PTPRM: variants seen among roughly 807,000 people sequenced by gnomAD.
The protein encoded by PTPRM is protein tyrosine phosphatase receptor type M, also known as receptor-type tyrosine-protein phosphatase mu.
In PTPRM, 47 loss-of-function variants were observed where a neutral mutation model predicts 186.7. The ratio of observed to expected loss-of-function variants is 0.25; its 90% CI spans 0.20 to 0.32. The LOEUF (loss-of-function observed/expected upper bound fraction) is 0.32, where lower values mean the gene tolerates loss of function less well. Among genes scored for constraint, PTPRM ranks in the 10% least tolerant of loss-of-function variants. The probability of loss-of-function intolerance (pLI) is 1.00; values close to 1 mark genes in which losing one functional copy is unlikely to be tolerated. For missense variants in PTPRM, 1,494 were observed against 1,865.0 expected, an observed-to-expected ratio of 0.80 and a Z score of 3.66; for synonymous variants, 668 against 674.9, an observed-to-expected ratio of 0.99 and a Z score of 0.16.
chr18:7,624,487 A>T (rs1335526427), intron 1 of PTPRM, among the ~76,000 whole-genome samples: 1 of 151,000 alleles, frequency 6.6e-6, no homozygotes, highest in Non-Finnish European at 1.5e-5. Context: ...TGTGCCTCAG[A>T]TTCTGCTTTT....
At chr18:7,853,482 G>T (rs2046960302) in intron 2 of PTPRM, among the ~76,000 whole-genome samples, 1 of 152,192 alleles carries the variant, frequency 6.6e-6, no homozygotes, top group Non-Finnish European at 1.5e-5. Context: ...GAGTACAGTG[G>T]CTTCAGAAGT....
intron 2 of PTPRM, among the ~76,000 whole-genome samples, chr18:7,790,501 A>G (rs1598729415): frequency 1.3e-5 from 2 of 152,174 alleles, no homozygotes; most frequent in African/African-American, 4.8e-5. Flanking sequence ...GGCTCTGCAT[A>G]CCCACTGACA....
At chr18:8,244,270 G>C in intron 15 of PTPRM, 61 bp downstream of exon 15, 2 of 1,297,472 alleles carry the variant, frequency 1.5e-6, no homozygotes, top group Non-Finnish European at 2.0e-6. Flanking sequence ...ATTCCAGGTG[G>C]TACTAGGGGA....
chr18:7,665,301 G>A (rs1420475233), intron 1 of PTPRM, among the ~76,000 whole-genome samples: 6 of 152,302 alleles, frequency 3.9e-5, no homozygotes, highest in East Asian at 3.9e-4. Flanking sequence ...CTGCACATAT[G>A]TGTAAGTACT....
intron 1 of PTPRM, among the ~76,000 whole-genome samples, chr18:7,735,824 C>T (rs1197085789): frequency 1.3e-5 from 2 of 151,644 alleles, no homozygotes; most frequent in African/African-American, 4.9e-5. Flanking sequence ...CCACAACTTC[C>T]CTTATCTTAA....
chr18:7,676,068 T>C (rs1282245430), intron 1 of PTPRM, among the ~76,000 whole-genome samples: 1 of 152,006 alleles, frequency 6.6e-6, no homozygotes, highest in Non-Finnish European at 1.5e-5. Flanking sequence ...GTGAAATGGA[T>C]GTATGGGTGA....
intron 19 of PTPRM, among the ~76,000 whole-genome samples, chr18:8,271,647 A>G (rs2094772421): frequency 6.6e-6 from 1 of 151,970 alleles, no homozygotes; most frequent in Admixed American, 6.5e-5. Context: ...AAAATTTTAG[A>G]TTACTAATTT....
At chr18:7,595,523 G>T (rs962601199) in intron 1 of PTPRM, among the ~76,000 whole-genome samples, 1 of 152,118 alleles carries the variant, frequency 6.6e-6, no homozygotes, top group Non-Finnish European at 1.5e-5. Context: ...TGAGATGAAG[G>T]TTGTTTGGTA....
chr18:8,259,230 T>C (rs1466455758), intron 19 of PTPRM, among the ~76,000 whole-genome samples: 1 of 152,198 alleles, frequency 6.6e-6, no homozygotes, highest in Non-Finnish European at 1.5e-5. Flanking sequence ...ATTATAGGCA[T>C]GAGCTGCTGT....
intron 13 of PTPRM, among the ~76,000 whole-genome samples, chr18:8,138,893 C>T (rs940533806): frequency 2.0e-5 from 3 of 152,100 alleles, no homozygotes; most frequent in Non-Finnish European, 2.9e-5. Context: ...CTGGCTGCTC[C>T]GTGCGGATGC....
intron 1 of PTPRM, among the ~76,000 whole-genome samples, chr18:7,712,196 C>T (rs2040227772): frequency 6.6e-6 from 1 of 152,172 alleles, no homozygotes; most frequent in Non-Finnish European, 1.5e-5. Flanking sequence ...TCCGTAGCCT[C>T]TGCTGGTACC....
intron 3 of PTPRM, 23 bp downstream of exon 3, chr18:7,888,400 A>G (rs376975854): frequency 7.2e-5 from 111 of 1,547,206 alleles, no homozygotes; most frequent in Non-Finnish European, 9.3e-5. Flanking sequence ...TTTTTATTAC[A>G]TATTTTGAAG....
chr18:7,928,965 G>C (rs983200060), intron 5 of PTPRM, among the ~76,000 whole-genome samples: 1 of 152,104 alleles, frequency 6.6e-6, no homozygotes, highest in Non-Finnish European at 1.5e-5. Context: ...AAAACAAAGG[G>C]TCTAAATGCA....
intron 1 of PTPRM, among the ~76,000 whole-genome samples, chr18:7,576,298 T>C (rs1453820839): frequency 6.6e-6 from 1 of 152,182 alleles, no homozygotes; most frequent in Non-Finnish European, 1.5e-5. Flanking sequence ...GAAAGCAGAT[T>C]TATTGCATAC....
intron 15 of PTPRM, among the ~76,000 whole-genome samples, chr18:8,245,059 T>C (rs1721902410): frequency 6.6e-6 from 1 of 152,218 alleles, no homozygotes; most frequent in Non-Finnish European, 1.5e-5. Context: ...GTGGGCCTTG[T>C]GGCTGTGAGG....
At chr18:7,871,476 C>T (rs1366130906) in intron 2 of PTPRM, among the ~76,000 whole-genome samples, 1 of 152,184 alleles carries the variant, frequency 6.6e-6, no homozygotes, top group Non-Finnish European at 1.5e-5. Flanking sequence ...CTTAATTACA[C>T]AGTTGCTTAC....
intron 1 of PTPRM, among the ~76,000 whole-genome samples, chr18:7,626,393 G>C (rs1266915620): frequency 6.6e-6 from 1 of 152,164 alleles, no homozygotes; most frequent in East Asian, 1.9e-4. Context: ...TAGGCAGAGA[G>C]AATATTTTCC....
Position 7,571,229 on chromosome 18 carries a change from C to T in PTPRM, c.73+3338C>T, listed in dbSNP as rs117288989. Among the ~76,000 whole-genome samples the T allele has an allele frequency of 6.1e-4, 93 of 152,222 alleles. 1 individual carries two copies. In the East Asian group the frequency reaches 0.016, roughly 27 times the overall value. ...TGCTGGGATTACAGACATGAGCCACCGTGCCCAGGCTGAAAAATTGTTTTT... is the reference window on the plus strand; with the variant it reads ...TGCTGGGATTACAGACATGAGCCACTGTGCCCAGGCTGAAAAATTGTTTTT... On this transcript the variant is annotated intron_variant, in intron 1 of 32. Transcript: ENST00000580170.
intron 2 of PTPRM, among the ~76,000 whole-genome samples, chr18:7,881,756 G>A (rs1032409297): frequency 3.3e-5 from 5 of 151,978 alleles, no homozygotes; most frequent in African/African-American, 9.7e-5. Context: ...TCCATGTGCC[G>A]TGGCCTATTG....
Sources: gnomAD v4.1 joint callset for allele counts (sites outside exome capture counted in the v4.1 genomes callset) on GRCh38, gnomAD v4.1.1 for gene constraint, MANE v1.5 for transcripts, NCBI Gene and HGNC (gene_info 2026-07-23, HGNC 2026-07-21) for gene names.